The following INPP4B variants were observed in gnomAD, a reference collection of about 807,000 sequenced individuals.
INPP4B encodes the protein inositol polyphosphate 4-phosphatase type II.
In INPP4B, 55 loss-of-function variants were observed where a neutral mutation model predicts 122.5. The observed-to-expected ratio is 0.45, with a 90% CI of 0.36 to 0.56. The LOEUF is 0.56. Ranked by LOEUF, INPP4B falls within the 20% of genes least tolerant of loss-of-function variation. The pLI is 0.00. For synonymous variants in INPP4B, 403 were observed against 388.7 expected (o/e 1.04, Z -0.43); for missense variants, 1,000 against 1,097.7 (o/e 0.91, Z 1.26).
intron 2 of INPP4B, among the ~76,000 whole-genome samples, chr4:142,652,483 C>T (rs1753194236): frequency 6.6e-6 from 1 of 152,148 alleles, no homozygotes; most frequent in Non-Finnish European, 1.5e-5. Context: ...ATCAACTCAG[C>T]CCAAAATCTC....
chr4:142,134,728 C>T (rs937514434), intron 18 of INPP4B, among the ~76,000 whole-genome samples: 1 of 134,362 alleles, frequency 7.4e-6, no homozygotes, highest in African/African-American at 2.9e-5. Flanking sequence ...ACCTGGGGGA[C>T]GGAGGTTGTG....
intron 23 of INPP4B, among the ~76,000 whole-genome samples, chr4:142,104,800 A>G (rs1281491264): frequency 6.6e-6 from 1 of 152,152 alleles, no homozygotes; most frequent in Admixed American, 6.6e-5. Context: ...CCTATACTTT[A>G]AATTACCTCT....
chr4:142,033,198 A>G (rs1430998321), intron 25 of INPP4B, among the ~76,000 whole-genome samples: 1 of 152,158 alleles, frequency 6.6e-6, no homozygotes, highest in Non-Finnish European at 1.5e-5. Flanking sequence ...CCAATTCAGC[A>G]AAGAGGGAAA....
Position 142,031,049 on chromosome 4 carries a change from T to A in INPP4B, c.2643-2135A>T, listed in dbSNP as rs147731323. On this transcript the variant is annotated intron_variant, in intron 25 of 25. Transcript: ENST00000262992. Reference sequence around the variant, plus strand: ...AATAAAAGACTTCATTTCTAGATTGTTTACTTTCTGTGTAAATAAAAAAAA... The same window carrying A: ...AATAAAAGACTTCATTTCTAGATTGATTACTTTCTGTGTAAATAAAAAAAA... 4.7e-4 allele frequency among the ~76,000 whole-genome samples: 72 copies of A among 152,326 alleles called. 1 individual carries two copies. The East Asian group carries it at 0.013, about 28-fold the overall frequency.
At chr4:142,090,531 A>G (rs1188128473) in intron 23 of INPP4B, among the ~76,000 whole-genome samples, 1 of 152,078 alleles carries the variant, frequency 6.6e-6, no homozygotes, top group Non-Finnish European at 1.5e-5. Context: ...ATCCTGATGT[A>G]TCAACTGAAA....
chr4:142,600,271 A>T (rs1739625067), intron 2 of INPP4B, among the ~76,000 whole-genome samples: 1 of 152,150 alleles, frequency 6.6e-6, no homozygotes, highest in Non-Finnish European at 1.5e-5. Context: ...GCCCACTTGG[A>T]TCTCTTTCTC....
intron 25 of INPP4B, among the ~76,000 whole-genome samples, chr4:142,069,765 C>T (rs1404050366): frequency 1.3e-5 from 2 of 152,000 alleles, no homozygotes; most frequent in African/African-American, 2.4e-5. Flanking sequence ...ACACATTCAC[C>T]ATCCCAAGAC....
intron 9 of INPP4B, among the ~76,000 whole-genome samples, chr4:142,302,830 C>G (rs1381698128): frequency 6.6e-6 from 1 of 151,946 alleles, no homozygotes; most frequent in Non-Finnish European, 1.5e-5. Context: ...CAGGAACTAC[C>G]AAATGCACAG....
At chr4:142,840,284 G>GTTAT (rs1051554657) in intron 1 of INPP4B, among the ~76,000 whole-genome samples, 2 of 152,074 alleles carry the variant, frequency 1.3e-5, no homozygotes, top group Non-Finnish European at 2.9e-5. Flanking sequence ...AAAAATAATA[G>GTTAT]TTATAGTCTT....
intron 7 of INPP4B, 25 bp downstream of exon 7, chr4:142,402,909 CAAAG>C (rs745474519): frequency 9.6e-6 from 11 of 1,140,448 alleles, no homozygotes; most frequent in African/African-American, 3.0e-5. Flanking sequence ...AACTTTTTCC[CAAAG>C]AAAGAAAGAA....
chr4:142,055,982 G>T (rs1406366984), intron 25 of INPP4B, among the ~76,000 whole-genome samples: 1 of 151,826 alleles, frequency 6.6e-6, no homozygotes, highest in East Asian at 1.9e-4. Flanking sequence ...CACATCTGGG[G>T]GTGATGGGAG....
chr4:142,694,389 A>C (rs1486062938), intron 2 of INPP4B, among the ~76,000 whole-genome samples: 1 of 151,742 alleles, frequency 6.6e-6, no homozygotes, highest in Non-Finnish European at 1.5e-5. Flanking sequence ...AAAAACAAAA[A>C]AGAAAAAAAG....
intron 5 of INPP4B, chr4:142,427,073 G>A (rs1217196765): frequency 6.5e-6 from 1 of 152,862 alleles, no homozygotes; most frequent in Non-Finnish European, 1.5e-5. Context: ...TGACGTCGGA[G>A]GATTTGTGGA....
chr4:142,619,072 G>A (rs578147731), intron 2 of INPP4B, among the ~76,000 whole-genome samples: 19 of 151,696 alleles, frequency 1.3e-4, no homozygotes, highest in Non-Finnish European at 2.5e-4. Context: ...GGTTTTTATC[G>A]AAAAAGACGA....
intron 2 of INPP4B, among the ~76,000 whole-genome samples, chr4:142,522,656 CAAG>C (rs1374923659): frequency 6.6e-6 from 1 of 151,980 alleles, no homozygotes; most frequent in Non-Finnish European, 1.5e-5. Context: ...CTTAATCATA[CAAG>C]AAGGGCTGCC....
intron 15 of INPP4B, among the ~76,000 whole-genome samples, chr4:142,185,400 A>G (rs2636676): frequency 0.44 from 19,242 of 43,990 alleles, 3,018 homozygotes; most frequent in African/African-American, 0.59. Flanking sequence ...GTGTGTGTGT[A>G]TATATATATA....
chr4:142,098,376 A>C (rs888043987), intron 23 of INPP4B, among the ~76,000 whole-genome samples: 3 of 152,150 alleles, frequency 2.0e-5, no homozygotes, highest in Non-Finnish European at 4.4e-5. Flanking sequence ...AAAAAAACTA[A>C]CAACATTGGG....
chr4:142,048,558 T>C (rs1752807168), intron 25 of INPP4B, among the ~76,000 whole-genome samples: 1 of 151,874 alleles, frequency 6.6e-6, no homozygotes, highest in Non-Finnish European at 1.5e-5. Context: ...GGGTTTGTTA[T>C]GTTTGTGTGT....
chr4:142,472,174 G>A (rs1277080935), intron 2 of INPP4B, among the ~76,000 whole-genome samples: 1 of 151,926 alleles, frequency 6.6e-6, no homozygotes, highest in Non-Finnish European at 1.5e-5. Flanking sequence ...GGAAAAGTAT[G>A]TCTTACTTAG....
Sources: allele counts gnomAD v4.1 joint callset (sites outside exome capture counted in the v4.1 genomes callset), GRCh38; gene constraint gnomAD v4.1.1; transcripts MANE v1.5; gene names NCBI Gene and HGNC (gene_info 2026-07-23, HGNC 2026-07-21).